CYTH1: variants seen among roughly 807,000 people sequenced by gnomAD.
CYTH1 encodes the protein cytohesin-1.
In CYTH1, 18 loss-of-function variants were observed where a neutral mutation model predicts 61.8. The observed-to-expected ratio is 0.29, with a 90% CI of 0.20 to 0.43. The LOEUF is 0.43. Among genes scored for constraint, CYTH1 ranks in the 20% least tolerant of loss-of-function variants. CYTH1 has a pLI of 1.00. For synonymous variants in CYTH1, 174 were observed against 184.3 expected, an observed-to-expected ratio of 0.94 and a Z score of 0.45; for missense variants, 336 against 510.5, an observed-to-expected ratio of 0.66 and a Z score of 3.29.
chr17:78,750,644 A>G (rs917266176), intron 1 of CYTH1, among the ~76,000 whole-genome samples: 2 of 152,042 alleles, frequency 1.3e-5, no homozygotes, highest in African/African-American at 4.8e-5. Flanking sequence ...CATCTCTATG[A>G]AAAATACAAA....
intron 1 of CYTH1, among the ~76,000 whole-genome samples, chr17:78,771,125 T>C (rs1023447245): frequency 6.6e-6 from 1 of 152,084 alleles, no homozygotes. Context: ...TAGCCAGGCA[T>C]GGTGGTGCCC....
intron 8 of CYTH1, 120 bp from the exon 9 acceptor site, chr17:78,698,500 C>G (rs935515667): frequency 3.8e-6 from 3 of 798,348 alleles, no homozygotes; most frequent in Non-Finnish European, 6.1e-6. Context: ...CTGCTAGATG[C>G]TGAGACTAGA....
At chr17:78,696,987 T>C (rs1431126336) in intron 9 of CYTH1, among the ~76,000 whole-genome samples, 2 of 152,184 alleles carry the variant, frequency 1.3e-5, no homozygotes, top group African/African-American at 2.4e-5. Context: ...CTTAAAGATA[T>C]ATAAAATGAT....
intron 1 of CYTH1, among the ~76,000 whole-genome samples, chr17:78,731,401 A>G (rs1452716189): frequency 6.6e-6 from 1 of 152,130 alleles, no homozygotes; most frequent in Non-Finnish European, 1.5e-5. Flanking sequence ...TGAATTCCCC[A>G]CAAGTTAAAG....
At chr17:78,745,500 A>G (rs2093356201) in intron 1 of CYTH1, among the ~76,000 whole-genome samples, 1 of 152,218 alleles carries the variant, frequency 6.6e-6, no homozygotes. Flanking sequence ...CCTTTAAAAT[A>G]AAGTCAAAAA....
At chr17:78,689,903 C>T (rs1358530698) in intron 11 of CYTH1, among the ~76,000 whole-genome samples, 2 of 151,976 alleles carry the variant, frequency 1.3e-5, no homozygotes, top group African/African-American at 4.8e-5. Context: ...CTCCTCAAAT[C>T]CTGGGCCGTG....
chr17:78,749,216 T>G (rs1490659576), intron 1 of CYTH1, among the ~76,000 whole-genome samples: 1 of 151,834 alleles, frequency 6.6e-6, no homozygotes, highest in Non-Finnish European at 1.5e-5. Context: ...AGCCAGCACT[T>G]TGGGAGGCGA....
At chr17:78,681,542 T>C (rs946815745) in intron 11 of CYTH1, among the ~76,000 whole-genome samples, 4 of 152,110 alleles carry the variant, frequency 2.6e-5, no homozygotes, top group African/African-American at 9.7e-5. Flanking sequence ...ACTGCCATCC[T>C]GACAACTCCA....
chr17:78,689,067 G>A (rs1289946871), intron 11 of CYTH1, among the ~76,000 whole-genome samples: 3 of 152,166 alleles, frequency 2.0e-5, no homozygotes, highest in East Asian at 1.9e-4. Flanking sequence ...CACAGTGTGG[G>A]AAAGAGATGT....
At chr17:78,709,041 T>C (rs933808624) in intron 2 of CYTH1, 3 of 152,346 alleles carry the variant, frequency 2.0e-5, no homozygotes, top group African/African-American at 7.2e-5. Flanking sequence ...ATCCAACTAT[T>C]GGCTTCTAGA....
chr17:78,770,147 T>G (rs1376977497), intron 1 of CYTH1, among the ~76,000 whole-genome samples: 1 of 143,750 alleles, frequency 7.0e-6, no homozygotes, highest in African/African-American at 2.6e-5. Context: ...AGACTTCGTC[T>G]CAAAAAAAAA....
At chr17:78,733,551 TA>T (rs2093305783) in intron 1 of CYTH1, among the ~76,000 whole-genome samples, 1 of 152,236 alleles carries the variant, frequency 6.6e-6, no homozygotes, top group East Asian at 1.9e-4. Flanking sequence ...AGCTGGGATT[TA>T]AACAGCTCCA....
At chr17:78,758,701 C>T (rs1260304933) in intron 1 of CYTH1, among the ~76,000 whole-genome samples, 1 of 150,898 alleles carries the variant, frequency 6.6e-6, no homozygotes, top group Non-Finnish European at 1.5e-5. Context: ...GAGTGAAACT[C>T]GAAACTCCAT....
intron 13 of CYTH1, 33 bp downstream of exon 13, chr17:78,680,157 G>A (rs923207957): frequency 2.5e-6 from 4 of 1,612,426 alleles, no homozygotes; most frequent in Non-Finnish European, 3.4e-6. Context: ...GGCTGCACCA[G>A]GCGCGCACTG....
chr17:78,704,892 T>C (rs1349420709), intron 3 of CYTH1, among the ~76,000 whole-genome samples: 1 of 152,208 alleles, frequency 6.6e-6, no homozygotes, highest in Non-Finnish European at 1.5e-5. Context: ...TAAGATAATC[T>C]GGGCTCCCCT....
chr17:78,698,149 GCA>G (rs2144257501), intron 9 of CYTH1, 118 bp downstream of exon 9: 2 of 822,008 alleles, frequency 2.4e-6, no homozygotes, highest in East Asian at 5.0e-5. Context: ...ACACGCACGC[GCA>G]CACATGCACA....
At chr17:78,697,709 G>T (rs567875171) in intron 9 of CYTH1, among the ~76,000 whole-genome samples, 1 of 152,306 alleles carries the variant, frequency 6.6e-6, no homozygotes, top group Non-Finnish European at 1.5e-5. Flanking sequence ...TGCCTGTGGG[G>T]GAGCCAGATG....
chr17:78,755,507 G>GAAAAAAAAAAAAAAAAA (rs2093397203), intron 1 of CYTH1, among the ~76,000 whole-genome samples: 1 of 40,914 alleles, frequency 2.4e-5, no homozygotes. Context: ...AAAAAAAAAG[G>GAAAAAAAAAAAAAAAAA]AAAGAAAGCC....
At chr17:78,738,837 T>C (rs756231284) in intron 1 of CYTH1, among the ~76,000 whole-genome samples, 1 of 152,216 alleles carries the variant, frequency 6.6e-6, no homozygotes, top group Non-Finnish European at 1.5e-5. Flanking sequence ...AGGTCACTTC[T>C]ATTTTCTCCC....
Sources: gnomAD v4.1 joint callset for allele counts (sites outside exome capture counted in the v4.1 genomes callset) on GRCh38, gnomAD v4.1.1 for gene constraint, MANE v1.5 for transcripts, NCBI Gene and HGNC (gene_info 2026-07-23, HGNC 2026-07-21) for gene names.